Variants in EFEMP1 observed in about 807,000 individuals in gnomAD.
EFEMP1 encodes the protein EGF-containing fibulin-like extracellular matrix protein 1.
A neutral mutation model predicts 65.7 loss-of-function variants in EFEMP1; 18 were observed. The observed-to-expected ratio is 0.27, with a 90% CI of 0.19 to 0.41. The LOEUF is 0.41. Among genes scored for constraint, EFEMP1 ranks in the 10% least tolerant of loss-of-function variants. EFEMP1 has a pLI of 1.00. For synonymous variants in EFEMP1, 237 were observed against 219.7 expected, an observed-to-expected ratio of 1.08 and a Z score of -0.70; for missense variants, 469 against 624.8, an observed-to-expected ratio of 0.75 and a Z score of 2.66.
At chr2:55,918,826 C>T (rs1465726844) in intron 3 of EFEMP1, among the ~76,000 whole-genome samples, 1 of 152,032 alleles carries the variant, frequency 6.6e-6, no homozygotes, top group Non-Finnish European at 1.5e-5. Flanking sequence ...TCTAGTTCAC[C>T]CACTGAACAA....
In EFEMP1 at chr2:55,885,993, T is replaced by A. The variant is rs1275499285; in HGVS notation, c.518-4259A>T. Among the ~76,000 whole-genome samples the A allele has an allele frequency of 6.6e-6, 1 of 152,186 alleles. No individual in the cohort carries two copies. Among genetic ancestry groups the A allele is most frequent in the East Asian group, 1.9e-4 (1 of 5,198 alleles). On this transcript the variant is annotated intron_variant, in intron 5 of 11. Transcript: ENST00000355426. The surrounding 1 kb of genome is among the most constrained non-coding windows in gnomAD (Gnocchi z 4.3). ...CACAACATGGAGTCCCTTTAGCATG[T>A]TTTCATGGGCAAAAATTATCTGCAC...
chr2:55,917,592 A>G lies in EFEMP1; in HGVS notation c.517+73T>C. ...CTGGCACGCGAGAAGTCCTTAATAAATTATCATCATCCTCACCACGAGGTG... is the reference window on the plus strand; with the variant it reads ...CTGGCACGCGAGAAGTCCTTAATAAGTTATCATCATCCTCACCACGAGGTG... On this transcript the variant is annotated intron_variant, in intron 5 of 11. Coordinates refer to ENST00000355426, the MANE Select transcript of EFEMP1 (RefSeq NM_001039348.3). This position sits in a 1 kb window ranked among gnomAD's most constrained non-coding sequence, Gnocchi z 6.3. The G allele has an allele frequency of 1.3e-6, 2 of 1,598,478 alleles. No individual in the cohort carries two copies. Among genetic ancestry groups the G allele is most frequent in the South Asian group, 2.2e-5 (2 of 90,184 alleles).
At chr2:55,874,304 T>A (rs1668937498) in intron 9 of EFEMP1, among the ~76,000 whole-genome samples, 1 of 151,926 alleles carries the variant, frequency 6.6e-6, no homozygotes. Context: ...ACATGCAACA[T>A]TGGAGGTAGG....
chr2:55,866,976 T>G lies in EFEMP1; in HGVS notation c.*97A>C. ...TATGGGTGAGTGTACAGTATAGAGA[T>G]GTAGATGCACTAGATATATCTATAA... On this transcript the variant is annotated 3_prime_UTR_variant, in exon 12 of 12. Coordinates refer to ENST00000355426, the MANE Select transcript of EFEMP1 (RefSeq NM_001039348.3). The G allele has an allele frequency of 6.8e-7, 1 of 1,460,284 alleles. No individual in the cohort carries two copies. Among genetic ancestry groups the G allele is most frequent in the Non-Finnish European group, 9.5e-7 (1 of 1,047,236 alleles). 90.5% of individuals were successfully genotyped at this position (1,460,284 alleles called of 1,614,324 possible).
intron 3 of EFEMP1, among the ~76,000 whole-genome samples, chr2:55,920,363 C>T (rs1479700896): frequency 1.3e-5 from 2 of 152,196 alleles, no homozygotes; most frequent in African/African-American, 4.8e-5. Context: ...TTGTAGTTTT[C>T]AACACTGTCT....
intron 5 of EFEMP1, among the ~76,000 whole-genome samples, chr2:55,891,513 ATTG>A (rs1424377121): frequency 6.6e-6 from 1 of 152,122 alleles, no homozygotes; most frequent in Non-Finnish European, 1.5e-5. Context: ...ATTCAACAAC[ATTG>A]AATATCTATA....
chr2:55,918,023 G>A lies in EFEMP1; in HGVS notation c.159C>T (p.Asp53=), dbSNP rs17047322. 3.1e-5 allele frequency: 50 copies of A among 1,614,162 alleles called. No individual in the cohort carries two copies. In the East Asian group the frequency reaches 4.0e-4, roughly 13 times the overall value. Reference sequence around the variant, plus strand: ...CACACTTCATTCCACCTTTACAAGCGTCTGGGACAATGTCACATTCATCAA... The same window carrying A: ...CACACTTCATTCCACCTTTACAAGCATCTGGGACAATGTCACATTCATCAA... ...KDIDECDIVP[D]ACKGGMKCVN... is the part of the protein sequence containing the mutation. The change falls in exon 5 of 12, where the codon GAC becomes GAT. Residue 53 remains aspartate, a synonymous_variant. Coordinates refer to ENST00000355426, the MANE Select transcript of EFEMP1 (RefSeq NM_001039348.3).
At chr2:55,911,952 AT>A (rs907615336) in intron 5 of EFEMP1, among the ~76,000 whole-genome samples, 14 of 152,052 alleles carry the variant, frequency 9.2e-5, no homozygotes, top group Non-Finnish European at 1.5e-4. Flanking sequence ...ACAATGCTAG[AT>A]TTTTTTTAGG....
chr2:55,894,180 A>G (rs1049588454), intron 5 of EFEMP1, among the ~76,000 whole-genome samples: 1 of 152,224 alleles, frequency 6.6e-6, no homozygotes, highest in African/African-American at 2.4e-5. Flanking sequence ...TAGAGCTCTA[A>G]TTAGAACCTA....
At chr2:55,892,716 T>TTGTGTGTC (rs1669676989) in intron 5 of EFEMP1, among the ~76,000 whole-genome samples, 1 of 152,096 alleles carries the variant, frequency 6.6e-6, no homozygotes, top group South Asian at 2.1e-4. Context: ...TATACATGGT[T>TTGTGTGTC]TGTGTGTCTG....
At chr2:55,889,284 T>G (rs1248486425) in intron 5 of EFEMP1, among the ~76,000 whole-genome samples, 1 of 152,254 alleles carries the variant, frequency 6.6e-6, no homozygotes, top group Non-Finnish European at 1.5e-5. Context: ...AAGCAGCTTT[T>G]GTGCCCACTA....
At chr2:55,913,586 T>G (rs1391834046) in intron 5 of EFEMP1, among the ~76,000 whole-genome samples, 1 of 145,450 alleles carries the variant, frequency 6.9e-6, no homozygotes, top group African/African-American at 2.8e-5. Context: ...TTTCTCTTTC[T>G]TGTCAGTTCC....
intron 6 of EFEMP1, among the ~76,000 whole-genome samples, chr2:55,878,620 T>C (rs1306543482): frequency 1.3e-5 from 2 of 152,160 alleles, no homozygotes; most frequent in African/African-American, 4.8e-5. Flanking sequence ...CCATTATGCA[T>C]ATACAATGTA....
chr2:55,875,365 C>CACACACACACACACACACACACACAT (rs1457478860), intron 8 of EFEMP1, among the ~76,000 whole-genome samples: 10 of 137,092 alleles, frequency 7.3e-5, no homozygotes, highest in African/African-American at 2.7e-4. Flanking sequence ...CACACACACA[C>CACACACACACACACACACACACACAT]ATATATATTT....
At chr2:55,889,920 A>T (rs1669572495) in intron 5 of EFEMP1, among the ~76,000 whole-genome samples, 1 of 152,194 alleles carries the variant, frequency 6.6e-6, no homozygotes, top group East Asian at 1.9e-4. Flanking sequence ...AAACAAAAGG[A>T]AACTAAAATG....
At chr2:55,897,356 T>A (rs2104418761) in intron 5 of EFEMP1, among the ~76,000 whole-genome samples, 1 of 150,946 alleles carries the variant, frequency 6.6e-6, no homozygotes, top group South Asian at 2.1e-4. Context: ...CAATATCAAT[T>A]TTTCCCCGAT....
intron 5 of EFEMP1, among the ~76,000 whole-genome samples, chr2:55,902,894 C>T (rs1468644996): frequency 6.6e-6 from 1 of 152,168 alleles, no homozygotes; most frequent in Non-Finnish European, 1.5e-5. Context: ...CAATCAAGAA[C>T]CATATCATCA....
Position 55,870,804 on chromosome 2 carries a change from C to T in EFEMP1, c.1236G>A (p.Gln412=). Residue 412 remains glutamine (Q), a synonymous_variant, in exon 11 of 12, where the codon CAG becomes CAA. Coordinates refer to ENST00000355426, the MANE Select transcript of EFEMP1 (RefSeq NM_001039348.3). The surrounding 1 kb of genome is among the most constrained non-coding windows in gnomAD (Gnocchi z 5.8). The part of the protein sequence containing the change: ...SDRSVPSDIF[Q]IQATTIYANT... Reference sequence around the variant, plus strand: ...TGGCATAAATAGTTGTGGCCTGTATCTGGAAGATGTCTGATGGCACAGACC... The same window carrying T: ...TGGCATAAATAGTTGTGGCCTGTATTTGGAAGATGTCTGATGGCACAGACC... 6.2e-7 allele frequency: 1 copy of T among 1,613,838 alleles called. No individual in the cohort carries two copies. Among genetic ancestry groups the T allele is most frequent in the Non-Finnish European group, 8.5e-7 (1 of 1,179,836 alleles).
chr2:55,896,077 T>C (rs1182423289), intron 5 of EFEMP1, among the ~76,000 whole-genome samples: 2 of 152,228 alleles, frequency 1.3e-5, no homozygotes, highest in Non-Finnish European at 2.9e-5. Context: ...GTGGCCTATA[T>C]AATTTTATAG....
Sources: gnomAD v4.1 joint callset for allele counts (sites outside exome capture counted in the v4.1 genomes callset) on GRCh38, gnomAD v4.1.1 for gene constraint, Gnocchi (gnomAD v3.1) non-coding constraint, MANE v1.5 for transcripts, NCBI Gene and HGNC (gene_info 2026-07-23, HGNC 2026-07-21) for gene names.